Variants in PRKCE observed in about 807,000 individuals in gnomAD.
The protein encoded by PRKCE is protein kinase C epsilon type.
PRKCE carries 16 observed loss-of-function variants against 85.4 expected under a neutral mutation model. The observed-to-expected ratio is 0.19, with a 90% CI of 0.13 to 0.28. PRKCE has a LOEUF of 0.28. Ranked by LOEUF, PRKCE falls within the 10% of genes least tolerant of loss-of-function variation. The pLI is 1.00. For missense variants in PRKCE, 573 were observed against 975.2 expected (o/e 0.59, Z 5.49); for synonymous variants, 388 against 371.5 (o/e 1.04, Z -0.51).
chr2:45,713,424 ATCTT>A, intron 1 of PRKCE, among the ~76,000 whole-genome samples: 1 of 152,300 alleles, frequency 6.6e-6, no homozygotes, highest in East Asian at 1.9e-4. Context: ...AGGGGTATGC[ATCTT>A]CCTTCTGTGT....
At chr2:45,976,874 T>C (rs1012871505) in intron 3 of PRKCE, among the ~76,000 whole-genome samples, 1 of 144,738 alleles carries the variant, frequency 6.9e-6, no homozygotes, top group Non-Finnish European at 1.5e-5. Flanking sequence ...TGTGTGTGTG[T>C]GTGTGTGTGT....
chr2:46,106,812 G>A (rs1297834471), intron 11 of PRKCE, among the ~76,000 whole-genome samples: 1 of 152,188 alleles, frequency 6.6e-6, no homozygotes, highest in Non-Finnish European at 1.5e-5. Context: ...TCTGAGTTAT[G>A]GAGGGTTAGG....
intron 1 of PRKCE, among the ~76,000 whole-genome samples, chr2:45,711,309 C>A (rs1346208582): frequency 6.6e-6 from 1 of 152,194 alleles, no homozygotes; most frequent in Non-Finnish European, 1.5e-5. Flanking sequence ...GGGCATATAA[C>A]AAACAAGAGA....
intron 1 of PRKCE, among the ~76,000 whole-genome samples, chr2:45,818,663 C>G (rs1298672489): frequency 6.6e-6 from 1 of 152,200 alleles, no homozygotes; most frequent in African/African-American, 2.4e-5. Context: ...TTCAGAAGAA[C>G]AGAAAACTCA....
At chr2:46,114,293 G>T (rs183166368) in intron 11 of PRKCE, among the ~76,000 whole-genome samples, 124 of 152,026 alleles carry the variant, frequency 8.2e-4, no homozygotes, top group African/African-American at 2.9e-3. Flanking sequence ...AGTGTCCAGC[G>T]ATCAGGGGGG....
At chr2:45,817,615 A>T (rs1328145184) in intron 1 of PRKCE, among the ~76,000 whole-genome samples, 2 of 152,104 alleles carry the variant, frequency 1.3e-5, no homozygotes, top group Non-Finnish European at 2.9e-5. Flanking sequence ...AATGGCGTGA[A>T]CCCGGAAAGC....
intron 13 of PRKCE, among the ~76,000 whole-genome samples, chr2:46,152,618 G>T (rs928729871): frequency 6.6e-6 from 1 of 151,382 alleles, no homozygotes; most frequent in Admixed American, 6.6e-5. Flanking sequence ...GCGTGATCTC[G>T]GCTCACTGCA....
chr2:46,145,363 G>A lies in PRKCE; in HGVS notation c.1731+132G>A, dbSNP rs1459023488. 8 of 1,273,582 alleles carry A rather than the reference G, an allele frequency of 6.3e-6. No homozygotes were observed. In the East Asian group the frequency reaches 1.6e-4, roughly 26 times the overall value. 78.9% of individuals were successfully genotyped at this position (1,273,582 alleles called of 1,614,324 possible). On this transcript the variant is annotated intron_variant, in intron 12 of 14. Coordinates refer to ENST00000306156, the MANE Select transcript of PRKCE (RefSeq NM_005400.3). This position sits in a 1 kb window ranked among gnomAD's most constrained non-coding sequence, Gnocchi z 4.6. Reference sequence around the variant, plus strand: ...AATCCAGGATGGATTCTAGGAAGGAGGGAGAAAAGGAAAGGAAAAAAGTTT... The same window carrying A: ...AATCCAGGATGGATTCTAGGAAGGAAGGAGAAAAGGAAAGGAAAAAAGTTT...
At chr2:45,741,425 G>A (rs73926042) in intron 1 of PRKCE, among the ~76,000 whole-genome samples, 6,137 of 151,758 alleles carry the variant, frequency 0.04, 405 homozygotes, top group African/African-American at 0.14. Flanking sequence ...GTCTTGGGCC[G>A]ACTGGGGACA....
At chr2:45,908,902 C>G (rs911819437) in intron 2 of PRKCE, among the ~76,000 whole-genome samples, 1 of 152,124 alleles carries the variant, frequency 6.6e-6, no homozygotes, top group Non-Finnish European at 1.5e-5. Context: ...CTCTGAGCCC[C>G]GCAGTCCTCT....
intron 1 of PRKCE, among the ~76,000 whole-genome samples, chr2:45,842,155 C>T (rs4953268): frequency 0.77 from 116,509 of 152,030 alleles, 44,717 homozygotes; most frequent in Admixed American, 0.82. Flanking sequence ...AGCCCTCTGG[C>T]TTTTGTCTCA....
At chr2:46,074,429 C>CAAAAAAAAAAAAA (rs11287357) in intron 10 of PRKCE, among the ~76,000 whole-genome samples, 18 of 93,870 alleles carry the variant, frequency 1.9e-4, no homozygotes, top group South Asian at 4.0e-4. Context: ...CAACAACAAC[C>CAAAAAAAAAAAAA]AAAAAAAAAA....
intron 10 of PRKCE, among the ~76,000 whole-genome samples, chr2:46,073,051 G>A (rs1345011351): frequency 6.6e-6 from 1 of 152,182 alleles, no homozygotes; most frequent in Non-Finnish European, 1.5e-5. Context: ...TGATAGAGGG[G>A]CCTGGAAATC....
intron 1 of PRKCE, among the ~76,000 whole-genome samples, chr2:45,691,342 T>G (rs1170150876): frequency 6.6e-6 from 1 of 152,240 alleles, no homozygotes; most frequent in Non-Finnish European, 1.5e-5. Flanking sequence ...GGATTTTCAC[T>G]GTGACTCATG....
intron 1 of PRKCE, among the ~76,000 whole-genome samples, chr2:45,760,753 C>G (rs1385844850): frequency 1.3e-5 from 2 of 152,118 alleles, no homozygotes; most frequent in East Asian, 3.9e-4. Flanking sequence ...TGAGATTATA[C>G]CCGGTGAAAG....
At chr2:46,080,063 G>A (rs192277175) in intron 10 of PRKCE, among the ~76,000 whole-genome samples, 77 of 152,272 alleles carry the variant, frequency 5.1e-4, no homozygotes, top group Non-Finnish European at 9.3e-4. Flanking sequence ...CTCAGAAAAC[G>A]TATTTGCTTA....
At chr2:45,720,229 C>T (rs1680498232) in intron 1 of PRKCE, among the ~76,000 whole-genome samples, 1 of 152,054 alleles carries the variant, frequency 6.6e-6, no homozygotes, top group Admixed American at 6.5e-5. Context: ...AGCCACTGTC[C>T]CACCCTTCTG....
At chr2:46,128,233 A>G (rs1214400917) in intron 11 of PRKCE, among the ~76,000 whole-genome samples, 1 of 152,228 alleles carries the variant, frequency 6.6e-6, no homozygotes, top group Non-Finnish European at 1.5e-5. Context: ...TCAACAAAAA[A>G]AAAAGAGTAG....
rs144618551 is a variant in PRKCE at position 45,786,072 on chromosome 2, A to G, written c.349-56928A>G. 7.9e-3 allele frequency among the ~76,000 whole-genome samples: 1,203 copies of G among 152,202 alleles called. 12 individuals are homozygous for G. Among genetic ancestry groups the G allele is most frequent in the Middle Eastern group, 0.017 (5 of 294 alleles). Reference sequence around the variant, plus strand: ...TGGGTCATCGTGGGGGTGAATAGATACCTGCTTCTCTCCAGGGACCTATGG... The same window carrying G: ...TGGGTCATCGTGGGGGTGAATAGATGCCTGCTTCTCTCCAGGGACCTATGG... On this transcript the variant is annotated intron_variant, in intron 1 of 14. Transcript: ENST00000306156. This position sits in a 1 kb window ranked among gnomAD's most constrained non-coding sequence, Gnocchi z 5.3.
Sources: allele counts gnomAD v4.1 joint callset (sites outside exome capture counted in the v4.1 genomes callset), GRCh38; gene constraint gnomAD v4.1.1; non-coding constraint Gnocchi (gnomAD v3.1); transcripts MANE v1.5; gene names NCBI Gene and HGNC (gene_info 2026-07-23, HGNC 2026-07-21).